GRIN2B: variants seen among roughly 807,000 people sequenced by gnomAD.
The protein encoded by GRIN2B is glutamate receptor ionotropic, NMDA 2B.
Under a neutral mutation model 114.5 loss-of-function variants are expected in GRIN2B, and 5 were observed. The observed-to-expected ratio is 0.04, with a 90% confidence interval of 0.02 to 0.09. GRIN2B has a LOEUF of 0.09. Ranked by LOEUF, GRIN2B falls within the 10% of genes least tolerant of loss-of-function variation. The probability of loss-of-function intolerance (pLI) is 1.00; values close to 1 mark genes in which losing one functional copy is unlikely to be tolerated. For missense variants in GRIN2B, 1,108 were observed against 1,943.5 expected, an observed-to-expected ratio of 0.57 and a Z score of 8.08; for synonymous variants, 787 against 745.1, an observed-to-expected ratio of 1.06 and a Z score of -0.92.
At chr12:13,876,729 C>T (rs1865996112) in intron 2 of GRIN2B, among the ~76,000 whole-genome samples, 1 of 152,154 alleles carries the variant, frequency 6.6e-6, no homozygotes, top group Admixed American at 6.5e-5. Flanking sequence ...TATAGAAGTA[C>T]AGGAAAGGCA....
intron 2 of GRIN2B, among the ~76,000 whole-genome samples, chr12:13,967,614 A>C (rs1322806469): frequency 6.6e-6 from 1 of 152,238 alleles, no homozygotes; most frequent in East Asian, 1.9e-4. Flanking sequence ...ATGGTGTGCC[A>C]GCATTCTGTT....
intron 3 of GRIN2B, among the ~76,000 whole-genome samples, chr12:13,799,325 G>A (rs1161979722): frequency 1.3e-5 from 2 of 152,178 alleles, no homozygotes; most frequent in Admixed American, 6.5e-5. Context: ...TTTGGCAGAA[G>A]GTGGAGAGGA....
At chr12:13,568,818 T>A (rs1433300259) in intron 12 of GRIN2B, among the ~76,000 whole-genome samples, 1 of 152,180 alleles carries the variant, frequency 6.6e-6, no homozygotes, top group East Asian at 1.9e-4. Context: ...AAGACAGGAA[T>A]ATAATGAAAC....
intron 2 of GRIN2B, among the ~76,000 whole-genome samples, chr12:13,922,645 T>C (rs931623361): frequency 2.0e-5 from 3 of 152,188 alleles, no homozygotes; most frequent in African/African-American, 7.2e-5. Context: ...TCCGGTTTTA[T>C]TTAACATCTT....
chr12:13,792,697 G>C (rs903372015), intron 3 of GRIN2B, among the ~76,000 whole-genome samples: 13 of 152,216 alleles, frequency 8.5e-5, no homozygotes, highest in Non-Finnish European at 1.8e-4. Context: ...AGAGGCCATG[G>C]TGCAAGGCAG....
chr12:13,888,563 G>A (rs1343048924), intron 2 of GRIN2B, among the ~76,000 whole-genome samples: 3 of 151,622 alleles, frequency 2.0e-5, no homozygotes, highest in Non-Finnish European at 2.9e-5. Context: ...GTGAAAACCC[G>A]TCTCTACTAA....
chr12:13,698,253 A>G (rs998071281), intron 4 of GRIN2B, among the ~76,000 whole-genome samples: 1 of 152,260 alleles, frequency 6.6e-6, no homozygotes, highest in Non-Finnish European at 1.5e-5. Context: ...ATGATTTTAC[A>G]TTTAGGAACG....
At chr12:13,664,718 T>C (rs568794560) in intron 5 of GRIN2B, among the ~76,000 whole-genome samples, 1 of 152,304 alleles carries the variant, frequency 6.6e-6, no homozygotes, top group Non-Finnish European at 1.5e-5. Flanking sequence ...TTAATTTATC[T>C]CATTTTATGT....
At position 13,561,215 on chromosome 12, in the gene GRIN2B, T is replaced by C. The variant is rs1207819394; in HGVS notation, c.*1568A>G. The C allele has an allele frequency of 1.3e-5, 2 of 152,106 alleles. No homozygotes were observed. Among genetic ancestry groups the C allele is most frequent in the African/African-American group, 4.8e-5 (2 of 41,408 alleles). 9.4% of individuals were successfully genotyped at this position (152,106 alleles called of 1,614,324 possible). ...ATGTATATCTTTTTTTATTCCTCAA[T>C]GGTACAATCTGAGAGGGAAACAAGG... On this transcript the variant is annotated 3_prime_UTR_variant, in exon 14 of 14. Transcript: ENST00000609686.
intron 10 of GRIN2B, among the ~76,000 whole-genome samples, chr12:13,585,977 C>T (rs1440125650): frequency 1.3e-5 from 2 of 152,176 alleles, no homozygotes; most frequent in Non-Finnish European, 2.9e-5. Flanking sequence ...CTTCAGTTGT[C>T]CTTAATGGAC....
chr12:13,972,576 A>C (rs757926627), intron 2 of GRIN2B, among the ~76,000 whole-genome samples: 1 of 152,184 alleles, frequency 6.6e-6, no homozygotes, highest in Non-Finnish European at 1.5e-5. Flanking sequence ...CCACTGGCTG[A>C]TTTAGGGCCA....
chr12:13,764,834 A>T (rs1775603043), intron 3 of GRIN2B, among the ~76,000 whole-genome samples: 1 of 152,172 alleles, frequency 6.6e-6, no homozygotes. Flanking sequence ...ACAGAAGGAA[A>T]CTCGGGGCTT....
At chr12:13,756,668 A>C (rs1036251040) in intron 3 of GRIN2B, among the ~76,000 whole-genome samples, 2 of 152,232 alleles carry the variant, frequency 1.3e-5, no homozygotes, top group African/African-American at 4.8e-5. Flanking sequence ...AGTGGCAAAC[A>C]AAGCAGGTCT....
chr12:13,956,143 G>C (rs147728724), intron 2 of GRIN2B, among the ~76,000 whole-genome samples: 9 of 152,272 alleles, frequency 5.9e-5, no homozygotes, highest in African/African-American at 1.9e-4. Context: ...GGAACGGCCT[G>C]AGCAAAGCCA....
intron 2 of GRIN2B, among the ~76,000 whole-genome samples, chr12:13,947,023 G>A (rs913399991): frequency 1.3e-5 from 2 of 152,200 alleles, no homozygotes; most frequent in African/African-American, 4.8e-5. Flanking sequence ...ACCATGAAAG[G>A]AGAGGTGACA....
rs147883582 is a variant in GRIN2B, at chr12:13,700,568, C to T, written c.1011-24709G>A. 6.6e-3 allele frequency among the ~76,000 whole-genome samples: 1,012 copies of T among 152,208 alleles called. 12 individuals are homozygous for T. The highest frequency in any genetic ancestry group is 0.023 in the African/African-American group (959 of 41,532). On this transcript the variant is annotated intron_variant, in intron 4 of 13. Transcript: ENST00000609686. ...ACTAGTCACAATGTTTGAGGAACCC[C>T]GAGTGGCCAAGTGGAAAGGCCCACA...
intron 3 of GRIN2B, among the ~76,000 whole-genome samples, chr12:13,824,268 A>G (rs1864990513): frequency 6.6e-6 from 1 of 152,214 alleles, no homozygotes; most frequent in Non-Finnish European, 1.5e-5. Flanking sequence ...TTATCTTTAC[A>G]AGAAAAGATT....
rs570849522 is a variant in GRIN2B at position 13,651,061 on chromosome 12, C to T, written c.1125+24684G>A. On this transcript the variant is annotated intron_variant, in intron 5 of 13. Coordinates refer to ENST00000609686, the MANE Select transcript of GRIN2B (RefSeq NM_000834.5). The stretch of plus-strand genomic sequence containing the variant: ...TTGCAAATCTGTGCTGGGATCTTTC[C>T]ACTAAATGAGAGGGAAGTCCAATTT... Among the ~76,000 whole-genome samples, 3 of 152,168 alleles carry T rather than the reference C, an allele frequency of 2.0e-5. No homozygotes were observed. The East Asian group carries it at 5.8e-4, about 29-fold the overall frequency.
intron 3 of GRIN2B, among the ~76,000 whole-genome samples, chr12:13,834,197 AT>A (rs756189402): frequency 0.012 from 1,374 of 111,488 alleles, 43 homozygotes; most frequent in African/African-American, 0.043. Flanking sequence ...CGCCTGGCTA[AT>A]TTTTTTTTTT....
Sources: allele counts gnomAD v4.1 joint callset (sites outside exome capture counted in the v4.1 genomes callset), GRCh38; gene constraint gnomAD v4.1.1; transcripts MANE v1.5; gene names NCBI Gene and HGNC (gene_info 2026-07-23, HGNC 2026-07-21).